Variants in CDKN1A observed in about 807,000 individuals in gnomAD.
The protein encoded by CDKN1A is cyclin dependent kinase inhibitor 1A, also known as cyclin-dependent kinase inhibitor 1.
CDKN1A carries 14 observed loss-of-function variants against 14.8 expected under a neutral mutation model. That is an observed-to-expected ratio of 0.94 (90% CI 0.62 to 1.48). The LOEUF (loss-of-function observed/expected upper bound fraction) is 1.48. Ranked by LOEUF, CDKN1A falls within the 40% of genes most tolerant of loss-of-function variation. The pLI is 0.00. For missense variants in CDKN1A, 203 were observed against 231.7 expected, an observed-to-expected ratio of 0.88 and a Z score of 0.80; for synonymous variants, 92 against 93.5, an observed-to-expected ratio of 0.98 and a Z score of 0.09.
At chr6:36,683,388 C>T (rs1762081129) in intron 1 of CDKN1A, among the ~76,000 whole-genome samples, 2 of 152,218 alleles carry the variant, frequency 1.3e-5, no homozygotes, top group African/African-American at 2.4e-5. Flanking sequence ...GTTCTGTCTG[C>T]CTTGCTGCAT....
At position 36,687,108 on chromosome 6, in the gene CDKN1A, T is replaced by C. The variant is rs1261412400; in HGVS notation, c.*1308T>C. ...GGAGGCACTGAAGTGCTTAGTGTAC[T>C]TGGAGTATTGGGGTCTGACCCCAAA... On this transcript the variant is annotated 3_prime_UTR_variant, in exon 3 of 3. Transcript: ENST00000244741. 1.7e-5 allele frequency: 4 copies of C among 233,184 alleles called. No individual in the cohort carries two copies. Among genetic ancestry groups the C allele is most frequent in the Non-Finnish European group, 2.5e-5 (3 of 118,062 alleles). 14.4% of individuals were successfully genotyped at this position (233,184 alleles called of 1,614,324 possible). A position where few individuals can be genotyped will look rare whatever the true frequency, so the allele number is the denominator to read the frequency against.
At chr6:36,682,871 A>T (rs1451813918) in intron 1 of CDKN1A, 1 of 152,272 alleles carries the variant, frequency 6.6e-6, no homozygotes, top group East Asian at 1.9e-4. Flanking sequence ...AGGCAACACG[A>T]GGCAGGGGCT....
At position 36,684,022 on chromosome 6, in the gene CDKN1A, A is replaced by T; in HGVS notation, c.-5-75A>T. The T allele has an allele frequency of 3.5e-6, 5 of 1,437,440 alleles. No individual in the cohort carries two copies. Among genetic ancestry groups the T allele is most frequent in the African/African-American group, 1.4e-5 (1 of 71,436 alleles). 89.0% of individuals were successfully genotyped at this position (1,437,440 alleles called of 1,614,324 possible). On this transcript the variant is annotated intron_variant, in intron 1 of 2. Coordinates refer to ENST00000244741, the MANE Select transcript of CDKN1A (RefSeq NM_000389.5). This position sits in a 1 kb window ranked among gnomAD's most constrained non-coding sequence, Gnocchi z 6.0. ...GTAGGAAGACGTCACCTGAGGTGACACAGCAAAGCCCGGCCAGGTAACATA... is the reference window on the plus strand; with the variant it reads ...GTAGGAAGACGTCACCTGAGGTGACTCAGCAAAGCCCGGCCAGGTAACATA...
At chr6:36,679,848 G>A (rs3176332) in intron 1 of CDKN1A, among the ~76,000 whole-genome samples, 2 of 119,430 alleles carry the variant, frequency 1.7e-5, no homozygotes, top group Non-Finnish European at 3.5e-5. Flanking sequence ...GGCGGGGAGG[G>A]TTCATGTCTT....
intron 1 of CDKN1A, among the ~76,000 whole-genome samples, chr6:36,679,649 G>A (rs1167220715): frequency 6.6e-6 from 1 of 152,216 alleles, no homozygotes; most frequent in Non-Finnish European, 1.5e-5. Flanking sequence ...TCCCCGCTCC[G>A]CGGCGCGCTG....
intron 1 of CDKN1A, among the ~76,000 whole-genome samples, chr6:36,683,610 C>T (rs572809766): frequency 1.3e-5 from 2 of 152,194 alleles, no homozygotes; most frequent in Non-Finnish European, 2.9e-5. Context: ...GGTTACCCTA[C>T]TTGGGGATCT....
chr6:36,677,934 G>C (rs1761749699), upstream of CDKN1A: 2 of 1,314,354 alleles, frequency 1.5e-6, no homozygotes, highest in Non-Finnish European at 2.0e-6. Flanking sequence ...TTCTGTTCAG[G>C]TGAGTGTAGG....
At chr6:36,681,318 TTCTTTCTTTC>T (rs1364903331) in intron 1 of CDKN1A, among the ~76,000 whole-genome samples, 2 of 129,368 alleles carry the variant, frequency 1.5e-5, no homozygotes, top group Non-Finnish European at 3.3e-5. Flanking sequence ...CTTTCTTTCT[TTCTTTCTTTC>T]TTTCTTTTTC....
Position 36,684,337 on chromosome 6 carries a change from C to A in CDKN1A, c.236C>A (p.Pro79His), listed in dbSNP as rs1453657959. The stretch of plus-strand genomic sequence containing the variant: ...CTTGGCCTGCCCAAGCTCTACCTTC[C>A]CACGGGGCCCCGGCGAGGCCGGGAT... Reference protein sequence around the residue: ...RGLGLPKLYLPTGPRRGRDEL... With the variant: ...RGLGLPKLYLHTGPRRGRDEL... The change falls in exon 2 of 3, where the codon CCC becomes CAC. Residue 79 changes from proline (P) to histidine (H), a missense_variant. Transcript: ENST00000244741. The surrounding 1 kb of genome is among the most constrained non-coding windows in gnomAD (Gnocchi z 6.0). The A allele has an allele frequency of 6.2e-7, 1 of 1,613,466 alleles. No individual in the cohort carries two copies. Among genetic ancestry groups the A allele is most frequent in the Non-Finnish European group, 8.5e-7 (1 of 1,180,010 alleles).
intron 1 of CDKN1A, chr6:36,680,548 C>G (rs1046787054): frequency 6.6e-6 from 1 of 152,092 alleles, no homozygotes; most frequent in Non-Finnish European, 1.5e-5. Context: ...CATCACTACT[C>G]CCTCCAGCGG....
chr6:36,677,933 G>A (rs2150304196), upstream of CDKN1A: 2 of 1,310,626 alleles, frequency 1.5e-6, no homozygotes, highest in East Asian at 3.7e-5. Flanking sequence ...CTTCTGTTCA[G>A]GTGAGTGTAG....
rs772419969 is a variant in CDKN1A at position 36,684,271 on chromosome 6, C to T, written c.170C>T (p.Thr57Ile). 7 of 1,613,178 alleles carry T rather than the reference C, an allele frequency of 4.3e-6. No individual in the cohort carries two copies. The highest frequency in any genetic ancestry group is 5.9e-6 in the Non-Finnish European group (7 of 1,180,002). ...ERWNFDFVTETPLEGDFAWER... is the reference protein window; with the variant it reads ...ERWNFDFVTEIPLEGDFAWER... Reference sequence around the variant, plus strand: ...TGGAACTTCGACTTTGTCACCGAGACACCACTGGAGGGTGACTTCGCCTGG... The same window carrying T: ...TGGAACTTCGACTTTGTCACCGAGATACCACTGGAGGGTGACTTCGCCTGG... The change falls in exon 2 of 3, where the codon ACA becomes ATA. Residue 57 changes from threonine (T) to isoleucine (I), a missense_variant. Transcript: ENST00000244741. This position sits in a 1 kb window ranked among gnomAD's most constrained non-coding sequence, Gnocchi z 6.0.
chr6:36,681,334 T>TTTC (rs1554185369), intron 1 of CDKN1A, among the ~76,000 whole-genome samples: 14 of 86,136 alleles, frequency 1.6e-4, no homozygotes, highest in African/African-American at 6.1e-4. Flanking sequence ...CTTTCTTTCT[T>TTTC]TTTCTTTCTT....
intron 1 of CDKN1A, chr6:36,680,326 G>GTGTGTGTGTGTT (rs1761882621): frequency 6.7e-6 from 1 of 150,206 alleles, no homozygotes; most frequent in Non-Finnish European, 1.5e-5. Flanking sequence ...GTGTGTGTGT[G>GTGTGTGTGTGTT]TGTGTGTGTG....
At position 36,684,578 on chromosome 6, in the gene CDKN1A, G is replaced by A; in HGVS notation, c.445+32G>A. 1.3e-6 allele frequency: 2 copies of A among 1,596,038 alleles called. No homozygotes were observed. The highest frequency in any genetic ancestry group is 1.7e-6 in the Non-Finnish European group (2 of 1,164,520). The stretch of plus-strand genomic sequence containing the variant: ...ACATGTGCACGGAAGGACTTTGTAA[G>A]GGACCAGGATTCTCAGAATCCATGG... On this transcript the variant is annotated intron_variant, in intron 2 of 2. Transcript: ENST00000244741. This position sits in a 1 kb window ranked among gnomAD's most constrained non-coding sequence, Gnocchi z 6.0.
In CDKN1A at chr6:36,684,529, G is replaced by A. The variant is rs188428728; in HGVS notation, c.428G>A (p.Arg143Gln). 3.6e-5 allele frequency: 58 copies of A among 1,614,104 alleles called. 1 individual carries two copies. In the East Asian group the frequency reaches 6.9e-4, roughly 19 times the overall value. Residue 143 changes from arginine to glutamine, a missense_variant, in exon 2 of 3, where the codon CGG (arginine) becomes CAG (glutamine). Transcript: ENST00000244741. This position sits in a 1 kb window ranked among gnomAD's most constrained non-coding sequence, Gnocchi z 6.0. ...GGAGACTCTCAGGGTCGAAAACGGC[G>A]GCAGACCAGCATGACAGGTGCGGAC... Reference protein sequence around the residue: ...GPGDSQGRKRRQTSMTDFYHS... With the variant: ...GPGDSQGRKRQQTSMTDFYHS...
chr6:36,681,297 T>TTTCTTTCTTTCTTTC (rs1761949708), intron 1 of CDKN1A, among the ~76,000 whole-genome samples: 1 of 118,680 alleles, frequency 8.4e-6, no homozygotes, highest in African/African-American at 3.1e-5. Context: ...TCTTTCTTTC[T>TTTCTTTCTTTCTTTC]TTCTTTCTTT....
At chr6:36,681,360 C>CT (rs879617665) in intron 1 of CDKN1A, among the ~76,000 whole-genome samples, 1,627 of 49,174 alleles carry the variant, frequency 0.033, 113 homozygotes, top group South Asian at 0.053. Flanking sequence ...CTTTTTCTTT[C>CT]TTTTCTTTCT....
At chr6:36,682,369 G>A (rs960642405) in intron 1 of CDKN1A, among the ~76,000 whole-genome samples, 1 of 152,326 alleles carries the variant, frequency 6.6e-6, no homozygotes. Flanking sequence ...TTATTTGAGG[G>A]CTCTGTCCAC....
Sources: gnomAD v4.1 joint callset for allele counts (sites outside exome capture counted in the v4.1 genomes callset) on GRCh38, gnomAD v4.1.1 for gene constraint, Gnocchi (gnomAD v3.1) non-coding constraint, MANE v1.5 for transcripts, NCBI Gene and HGNC (gene_info 2026-07-23, HGNC 2026-07-21) for gene names.